UBR2: variants seen among roughly 807,000 people sequenced by gnomAD.
UBR2 encodes ubiquitin protein ligase E3 component n-recognin 2.
A neutral mutation model predicts 247.9 loss-of-function variants in UBR2; 92 were observed. The ratio of observed to expected loss-of-function variants is 0.37; its 90% CI spans 0.31 to 0.44. The LOEUF (loss-of-function observed/expected upper bound fraction) is 0.44. Ranked by LOEUF, UBR2 falls within the 20% of genes least tolerant of loss-of-function variation. UBR2 has a pLI of 1.00. For missense variants in UBR2, 1,613 were observed against 2,112.6 expected (o/e 0.76, Z 4.64); for synonymous variants, 672 against 693.5 (o/e 0.97, Z 0.49).
chr6:42,570,618 T>A (rs867729992), intron 1 of UBR2, among the ~76,000 whole-genome samples: 19 of 152,140 alleles, frequency 1.2e-4, no homozygotes, highest in African/African-American at 4.3e-4. Context: ...TAATATGTAA[T>A]AAAGAGTGAA....
chr6:42,589,731 C>A (rs183464924), intron 2 of UBR2, among the ~76,000 whole-genome samples: 15 of 152,228 alleles, frequency 9.9e-5, no homozygotes, highest in African/African-American at 3.4e-4. Flanking sequence ...GGATATTTTT[C>A]CTGAATATTG....
chr6:42,593,868 G>T (rs1052681704), intron 3 of UBR2, among the ~76,000 whole-genome samples: 6 of 152,078 alleles, frequency 3.9e-5, no homozygotes, highest in Non-Finnish European at 8.8e-5. Flanking sequence ...AACCTGTAGC[G>T]TAGATATCAG....
chr6:42,659,347 A>G lies in UBR2; in HGVS notation c.3243-309A>G, dbSNP rs534485542. Among the ~76,000 whole-genome samples, 1 of 151,874 alleles carries G rather than the reference A, an allele frequency of 6.6e-6. No individual in the cohort carries two copies. Among genetic ancestry groups the G allele is most frequent in the Non-Finnish European group, 1.5e-5 (1 of 67,954 alleles). On this transcript the variant is annotated intron_variant, in intron 29 of 46. Coordinates refer to ENST00000372901, the MANE Select transcript of UBR2 (RefSeq NM_001363705.2). The surrounding 1 kb of genome is among the most constrained non-coding windows in gnomAD (Gnocchi z 4.3). The stretch of plus-strand genomic sequence containing the variant: ...CATCTCTACTAAAAATACAAAAAAA[A>G]AAAATTAGCCGGGTGTGGTGGTGCA...
intron 4 of UBR2, among the ~76,000 whole-genome samples, chr6:42,599,699 A>G (rs1362985449): frequency 6.6e-6 from 1 of 151,752 alleles, no homozygotes; most frequent in Non-Finnish European, 1.5e-5. Context: ...TCCCAGGCTG[A>G]AGTAGAGTGG....
chr6:42,615,035 G>A (rs2151938783), intron 8 of UBR2, 36 bp from the exon 9 acceptor site: 3 of 1,543,054 alleles, frequency 1.9e-6, no homozygotes, highest in African/African-American at 1.4e-5. Context: ...AATATTTGAA[G>A]TTGCTATCTC....
chr6:42,608,124 T>C (rs1793834621), intron 7 of UBR2, among the ~76,000 whole-genome samples: 1 of 152,168 alleles, frequency 6.6e-6, no homozygotes, highest in African/African-American at 2.4e-5. Flanking sequence ...CCTTTTTACA[T>C]AGATACAAAA....
At position 42,650,280 on chromosome 6, in the gene UBR2, A is replaced by G. The variant is rs1420065304; in HGVS notation, c.2463-4A>G. The stretch of plus-strand genomic sequence containing the variant: ...ATAATATTCTAAGGTCCTTTCTTTC[A>G]CAGGAAACCTGGATTAACAGGACGA... On this transcript the variant is annotated splice_region_variant and splice_polypyrimidine_tract_variant and intron_variant, in intron 22 of 46. Coordinates refer to ENST00000372901, the MANE Select transcript of UBR2 (RefSeq NM_001363705.2). 1.2e-6 allele frequency: 2 copies of G among 1,611,054 alleles called. No homozygotes were observed. Among genetic ancestry groups the G allele is most frequent in the Non-Finnish European group, 1.7e-6 (2 of 1,178,078 alleles).
intron 4 of UBR2, 107 bp from the exon 5 acceptor site, chr6:42,603,481 C>T (rs1259657408): frequency 1.8e-6 from 2 of 1,083,320 alleles, no homozygotes; most frequent in Non-Finnish European, 2.5e-6. Context: ...AGCTGGAAGA[C>T]CAGTCAACTT....
chr6:42,658,370 G>T, intron 28 of UBR2, 50 bp downstream of exon 28: 1 of 1,515,648 alleles, frequency 6.6e-7, no homozygotes, highest in Non-Finnish European at 9.0e-7. Context: ...AGCAAGTTCA[G>T]TATGAACAAA....
At chr6:42,593,872 A>G (rs1318626582) in intron 3 of UBR2, among the ~76,000 whole-genome samples, 2 of 152,326 alleles carry the variant, frequency 1.3e-5, no homozygotes, top group Non-Finnish European at 1.5e-5. Context: ...TGTAGCGTAG[A>G]TATCAGCATT....
chr6:42,587,459 G>A (rs934880376), intron 2 of UBR2, among the ~76,000 whole-genome samples: 1 of 152,016 alleles, frequency 6.6e-6, no homozygotes, highest in East Asian at 1.9e-4. Flanking sequence ...CCAGGTTCAA[G>A]CAATCCTCTC....
intron 37 of UBR2, 42 bp downstream of exon 37, chr6:42,673,929 C>A (rs375807077): frequency 8.2e-5 from 126 of 1,538,152 alleles, no homozygotes; most frequent in Non-Finnish European, 1.1e-4. Context: ...ATTTTTCATC[C>A]TCTGAAATTT....
In UBR2 at chr6:42,689,709, A is replaced by G; in HGVS notation, c.5126+39A>G. The stretch of plus-strand genomic sequence containing the variant: ...CTGAGTTAGCTAACTCAGGGCCTGC[A>G]GCGCCCTTCCGTATGTGGTGACGTC... On this transcript the variant is annotated intron_variant, in intron 46 of 46. Coordinates refer to ENST00000372901, the MANE Select transcript of UBR2 (RefSeq NM_001363705.2). The surrounding 1 kb of genome is among the most constrained non-coding windows in gnomAD (Gnocchi z 4.0). 1 of 1,564,570 alleles carries G rather than the reference A, an allele frequency of 6.4e-7. No individual in the cohort carries two copies. Among genetic ancestry groups the G allele is most frequent in the East Asian group, 2.2e-5 (1 of 44,486 alleles).
intron 25 of UBR2, 64 bp from the exon 26 acceptor site, chr6:42,655,557 T>C: frequency 1.1e-6 from 1 of 901,522 alleles, no homozygotes; most frequent in Non-Finnish European, 1.7e-6. Context: ...TTTTCCTATT[T>C]CTTATTAAAA....
chr6:42,651,912 C>T (rs1797138890), intron 23 of UBR2, 111 bp from the exon 24 acceptor site: 1 of 1,035,556 alleles, frequency 9.7e-7, no homozygotes, highest in African/African-American at 1.7e-5. Flanking sequence ...GAGTTCAAGA[C>T]CAGCCTGGCC....
At chr6:42,622,122 T>A (rs2151944432) in intron 11 of UBR2, among the ~76,000 whole-genome samples, 1 of 152,182 alleles carries the variant, frequency 6.6e-6, no homozygotes, top group East Asian at 1.9e-4. Context: ...TTCAAGCAAT[T>A]CTCCTGTCTT....
chr6:42,625,817 CCT>C (rs1491312765), intron 11 of UBR2, among the ~76,000 whole-genome samples: 2 of 149,930 alleles, frequency 1.3e-5, no homozygotes, highest in African/African-American at 2.4e-5. Context: ...ATTTTTCCCC[CCT>C]TTTTTTTTTT....
intron 7 of UBR2, among the ~76,000 whole-genome samples, chr6:42,607,875 CATT>C (rs1793815653): frequency 6.6e-6 from 1 of 152,042 alleles, no homozygotes; most frequent in South Asian, 2.1e-4. Context: ...GGTCTTTAAA[CATT>C]ATGTAACAAG....
chr6:42,610,590 A>C (rs1416294982), intron 7 of UBR2, among the ~76,000 whole-genome samples: 7 of 152,208 alleles, frequency 4.6e-5, no homozygotes, highest in Non-Finnish European at 1.0e-4. Flanking sequence ...TAACAAAAAG[A>C]TAAATAGCAT....
Sources: gnomAD v4.1 joint callset for allele counts (sites outside exome capture counted in the v4.1 genomes callset) on GRCh38, gnomAD v4.1.1 for gene constraint, Gnocchi (gnomAD v3.1) non-coding constraint, MANE v1.5 for transcripts, NCBI Gene and HGNC (gene_info 2026-07-23, HGNC 2026-07-21) for gene names.